Variants in EXOC4 observed in about 807,000 individuals in gnomAD.
EXOC4 encodes SEC8-like 1.
A neutral mutation model predicts 107.2 loss-of-function variants in EXOC4; 71 were observed. That is an observed-to-expected ratio of 0.66 (90% CI 0.55 to 0.81). The LOEUF is 0.81. Ranked by LOEUF, EXOC4 falls within the 30% of genes least tolerant of loss-of-function variation. The pLI is 0.00. For missense variants in EXOC4, 1,108 were observed against 1,189.6 expected, an observed-to-expected ratio of 0.93 and a Z score of 1.01; for synonymous variants, 456 against 441.2, an observed-to-expected ratio of 1.03 and a Z score of -0.42.
intron 10 of EXOC4, among the ~76,000 whole-genome samples, chr7:133,639,200 G>A (rs1274260822): frequency 6.6e-6 from 1 of 152,128 alleles, no homozygotes; most frequent in Non-Finnish European, 1.5e-5. Flanking sequence ...TGTTGGCTAT[G>A]CATTGTTTCC....
intron 12 of EXOC4, among the ~76,000 whole-genome samples, chr7:133,905,049 C>CA (rs1214645661): frequency 1.3e-5 from 2 of 152,136 alleles, no homozygotes; most frequent in African/African-American, 4.8e-5. Flanking sequence ...TCAAATGATC[C>CA]AAAATGGTAT....
chr7:133,781,448 T>A (rs1796463840), intron 10 of EXOC4, among the ~76,000 whole-genome samples: 1 of 152,260 alleles, frequency 6.6e-6, no homozygotes, highest in Admixed American at 6.5e-5. Context: ...GGAATCTGGC[T>A]CCGCCACTTA....
intron 9 of EXOC4, among the ~76,000 whole-genome samples, chr7:133,531,167 A>G (rs1367137437): frequency 6.6e-6 from 1 of 152,188 alleles, no homozygotes; most frequent in African/African-American, 2.4e-5. Context: ...AAATAATAAT[A>G]TAGTACCCAT....
intron 11 of EXOC4, among the ~76,000 whole-genome samples, chr7:133,832,826 T>C (rs1359243451): frequency 1.3e-5 from 2 of 152,142 alleles, no homozygotes; most frequent in Non-Finnish European, 2.9e-5. Flanking sequence ...TGTATTGAAA[T>C]TGTAGGGGTC....
downstream of EXOC4, among the ~76,000 whole-genome samples, chr7:134,068,473 A>G (rs1796216069): frequency 6.6e-6 from 1 of 152,092 alleles, no homozygotes; most frequent in Non-Finnish European, 1.5e-5. Flanking sequence ...ACCTTTCGCC[A>G]TGATTGTGAG....
chr7:134,051,597 G>A (rs142167708), intron 17 of EXOC4, among the ~76,000 whole-genome samples: 3 of 151,320 alleles, frequency 2.0e-5, no homozygotes, highest in Non-Finnish European at 2.9e-5. Flanking sequence ...CTTAAACCTG[G>A]AGGGGCAGAG....
intron 4 of EXOC4, among the ~76,000 whole-genome samples, chr7:133,312,016 T>C (rs1397940161): frequency 6.6e-6 from 1 of 152,130 alleles, no homozygotes; most frequent in Non-Finnish European, 1.5e-5. Flanking sequence ...TTTTGGAAAA[T>C]AAATTTGCAT....
At chr7:133,566,535 TC>T (rs1448949757) in intron 9 of EXOC4, among the ~76,000 whole-genome samples, 1 of 152,180 alleles carries the variant, frequency 6.6e-6, no homozygotes, top group Non-Finnish European at 1.5e-5. Context: ...TGTTAACAAA[TC>T]CTCTGAGCCA....
chr7:133,689,824 A>G (rs1313373341), intron 10 of EXOC4, among the ~76,000 whole-genome samples: 1 of 152,244 alleles, frequency 6.6e-6, no homozygotes, highest in Non-Finnish European at 1.5e-5. Flanking sequence ...AGACAAAATT[A>G]CAACAAATTT....
At chr7:133,376,812 T>TA (rs1421205039) in intron 7 of EXOC4, among the ~76,000 whole-genome samples, 1 of 152,068 alleles carries the variant, frequency 6.6e-6, no homozygotes, top group Non-Finnish European at 1.5e-5. Context: ...ATTCTAGGAG[T>TA]AGAAGACAGG....
intron 5 of EXOC4, among the ~76,000 whole-genome samples, chr7:133,330,411 C>T (rs1485452541): frequency 6.6e-6 from 1 of 152,098 alleles, no homozygotes; most frequent in Non-Finnish European, 1.5e-5. Flanking sequence ...CTGGCTTCAG[C>T]ACCCCTTTCC....
At chr7:134,059,378 TAAAGAGAAGTCAGAAAAGCACTAATACTC>T (rs1214518910) in intron 17 of EXOC4, among the ~76,000 whole-genome samples, 5 of 152,090 alleles carry the variant, frequency 3.3e-5, no homozygotes, top group African/African-American at 1.2e-4. Context: ...GAAAAGCTCT[TAAAGAGAAGTCAGAAAAGCACTAATACTC>T]AAAGATAAAA....
At chr7:133,359,514 A>G (rs1321666545) in intron 6 of EXOC4, among the ~76,000 whole-genome samples, 1 of 152,158 alleles carries the variant, frequency 6.6e-6, no homozygotes, top group Non-Finnish European at 1.5e-5. Flanking sequence ...GAAAGTTGGA[A>G]CAGAGACCAA....
chr7:133,504,167 A>G (rs556054747), intron 9 of EXOC4, among the ~76,000 whole-genome samples: 2 of 152,318 alleles, frequency 1.3e-5, no homozygotes, highest in African/African-American at 4.8e-5. Flanking sequence ...AATGAAATAC[A>G]TCTAACCTAT....
chr7:133,846,850 T>A (rs865780930), intron 11 of EXOC4, among the ~76,000 whole-genome samples: 2 of 152,220 alleles, frequency 1.3e-5, no homozygotes, highest in South Asian at 2.1e-4. Flanking sequence ...CGAGCTGAGG[T>A]TTCACATGGG....
At chr7:133,826,027 A>T (rs1050757181) in intron 11 of EXOC4, among the ~76,000 whole-genome samples, 10 of 152,154 alleles carry the variant, frequency 6.6e-5, no homozygotes, top group Admixed American at 5.2e-4. Context: ...TATTTTATTT[A>T]TTCACTAACA....
At chr7:133,748,743 A>G (rs1281423564) in intron 10 of EXOC4, among the ~76,000 whole-genome samples, 1 of 152,162 alleles carries the variant, frequency 6.6e-6, no homozygotes, top group African/African-American at 2.4e-5. Flanking sequence ...CGAGAGATTC[A>G]GTGCCTAAGA....
chr7:134,090,185 C>T, the EXOC4 span, among the ~76,000 whole-genome samples: 1 of 152,162 alleles, frequency 6.6e-6, no homozygotes, highest in African/African-American at 2.4e-5. Context: ...CACATAAATA[C>T]ACTGACAGAC....
intron 10 of EXOC4, among the ~76,000 whole-genome samples, chr7:133,648,416 C>A (rs1803046013): frequency 1.3e-5 from 2 of 152,208 alleles, no homozygotes; most frequent in Non-Finnish European, 2.9e-5. Flanking sequence ...CAAATGACTT[C>A]TGCCTTTGTA....
Sources: gnomAD v4.1 joint callset for allele counts (sites outside exome capture counted in the v4.1 genomes callset) on GRCh38, gnomAD v4.1.1 for gene constraint, MANE v1.5 for transcripts, NCBI Gene and HGNC (gene_info 2026-07-23, HGNC 2026-07-21) for gene names.